Variants in ARHGAP44 observed in about 807,000 individuals in gnomAD.
The protein encoded by ARHGAP44 is Rho GTPase activating protein 44.
In ARHGAP44, 43 loss-of-function variants were observed where a neutral mutation model predicts 106.8. The observed-to-expected ratio is 0.40, with a 90% CI of 0.32 to 0.52. ARHGAP44 has a LOEUF of 0.52. ARHGAP44 is among the 20% of genes least tolerant of loss of function. ARHGAP44 has a pLI of 0.48. For missense variants in ARHGAP44, 866 were observed against 1,050.5 expected (o/e 0.82, Z 2.43); for synonymous variants, 439 against 410.3 (o/e 1.07, Z -0.85).
At position 12,896,451 on chromosome 17, in the gene ARHGAP44, G is replaced by C. The variant is rs62637651; in HGVS notation, c.138G>C (p.Thr46=). The change falls in exon 3 of 21, where the codon ACG becomes ACC. Residue 46 remains threonine, a synonymous_variant. Transcript: ENST00000379672. The part of the protein sequence containing the change: ...LELVKQVSHS[T]HKKLTACLQG... ...TGGTGAAACAGGTGTCCCACAGCAC[G>C]CACAAGAAGCTCACCGCATGTCTGC... is the stretch of plus-strand genomic sequence containing the variant. 5.0e-3 allele frequency: 8,076 copies of C among 1,609,576 alleles called. 343 individuals carry two copies. In the African/African-American group the frequency reaches 0.091, roughly 18 times the overall value.
chr17:12,952,645 C>A, intron 13 of ARHGAP44, 64 bp downstream of exon 13: 2 of 1,249,776 alleles, frequency 1.6e-6, no homozygotes, highest in Non-Finnish European at 2.3e-6. Flanking sequence ...AGAGATACAA[C>A]TGCCCGGGTA....
intron 3 of ARHGAP44, 135 bp from the exon 4 acceptor site, chr17:12,908,762 G>A (rs1303974760): frequency 1.5e-6 from 1 of 681,894 alleles, no homozygotes. Context: ...GAATTTCTAT[G>A]TTTAAACCTA....
chr17:12,978,541 C>T (rs150434869), intron 18 of ARHGAP44, among the ~76,000 whole-genome samples: 205 of 136,664 alleles, frequency 1.5e-3, no homozygotes, highest in South Asian at 2.6e-3. Flanking sequence ...GCTTCCCCGG[C>T]CCAGCTCCCT....
At chr17:12,925,457 A>G in intron 6 of ARHGAP44, among the ~76,000 whole-genome samples, 1 of 152,228 alleles carries the variant, frequency 6.6e-6, no homozygotes, top group Non-Finnish European at 1.5e-5. Context: ...GGAACAGTGA[A>G]TGCCCCAATG....
At chr17:12,807,771 A>G (rs2034320635) in intron 1 of ARHGAP44, among the ~76,000 whole-genome samples, 1 of 152,146 alleles carries the variant, frequency 6.6e-6, no homozygotes, top group Non-Finnish European at 1.5e-5. Flanking sequence ...TCATGTCCTC[A>G]CATTTCAAAA....
intron 3 of ARHGAP44, among the ~76,000 whole-genome samples, chr17:12,903,138 A>AGTGTGTGT (rs1421977965): frequency 1.1e-5 from 1 of 94,704 alleles, no homozygotes; most frequent in African/African-American, 4.0e-5. Flanking sequence ...AGAGAGAGAG[A>AGTGTGTGT]GAGTGTGTGT....
At chr17:12,951,111 T>G (rs1191154219) in intron 12 of ARHGAP44, among the ~76,000 whole-genome samples, 2 of 152,234 alleles carry the variant, frequency 1.3e-5, no homozygotes, top group Non-Finnish European at 2.9e-5. Flanking sequence ...TGGTTCTCTT[T>G]TATCTCATTG....
chr17:12,955,746 C>T, intron 13 of ARHGAP44, 121 bp from the exon 14 acceptor site: 1 of 616,622 alleles, frequency 1.6e-6, no homozygotes, highest in Non-Finnish European at 2.9e-6. Context: ...CATTACATTG[C>T]AGGTGCACGA....
chr17:12,813,313 T>C (rs948412284), intron 1 of ARHGAP44, among the ~76,000 whole-genome samples: 3 of 151,586 alleles, frequency 2.0e-5, no homozygotes, highest in Non-Finnish European at 4.4e-5. Flanking sequence ...TTGTTTTTTT[T>C]TTTTAGAAAG....
intron 1 of ARHGAP44, among the ~76,000 whole-genome samples, chr17:12,838,381 A>G (rs1401386952): frequency 6.6e-6 from 1 of 152,214 alleles, no homozygotes; most frequent in Non-Finnish European, 1.5e-5. Flanking sequence ...AAAGGTTTTG[A>G]CTATTTCAGA....
chr17:12,812,028 C>T (rs763564485), intron 1 of ARHGAP44, among the ~76,000 whole-genome samples: 70 of 152,246 alleles, frequency 4.6e-4, no homozygotes, highest in Non-Finnish European at 8.8e-4. Flanking sequence ...ACAATTGAAC[C>T]CACAGGGCCC....
At chr17:12,956,785 G>C in intron 15 of ARHGAP44, 39 bp downstream of exon 15, 3 of 1,579,654 alleles carry the variant, frequency 1.9e-6, no homozygotes, top group Non-Finnish European at 2.6e-6. Flanking sequence ...AAGAGGCAGG[G>C]AACAGGAGTA....
chr17:12,803,197 C>T (rs917635831), intron 1 of ARHGAP44, among the ~76,000 whole-genome samples: 1 of 151,560 alleles, frequency 6.6e-6, no homozygotes, highest in South Asian at 2.1e-4. Context: ...GTCTCGAACT[C>T]CTGACCTCAG....
chr17:12,795,775 A>G (rs1244054718), intron 1 of ARHGAP44, among the ~76,000 whole-genome samples: 1 of 152,230 alleles, frequency 6.6e-6, no homozygotes, highest in East Asian at 1.9e-4. Context: ...GGGGAGAGTC[A>G]GAGAGTCAGG....
intron 1 of ARHGAP44, among the ~76,000 whole-genome samples, chr17:12,870,008 T>A (rs1186084179): frequency 5.3e-5 from 8 of 152,004 alleles, no homozygotes. Context: ...CTGATTACTT[T>A]TTTTTCCATC....
chr17:12,957,020 G>A (rs1025645261), intron 15 of ARHGAP44, among the ~76,000 whole-genome samples: 5 of 152,046 alleles, frequency 3.3e-5, no homozygotes, highest in South Asian at 2.1e-4. Context: ...GGTCCGATCC[G>A]GCTCATCGCA....
At chr17:12,848,409 C>CATGGTGCTA (rs2035634076) in intron 1 of ARHGAP44, among the ~76,000 whole-genome samples, 1 of 152,120 alleles carries the variant, frequency 6.6e-6, no homozygotes. Flanking sequence ...CATGTGCCAC[C>CATGGTGCTA]TCAAGCCACA....
intron 1 of ARHGAP44, among the ~76,000 whole-genome samples, chr17:12,862,525 A>G (rs1376823626): frequency 1.3e-5 from 2 of 152,192 alleles, no homozygotes. Flanking sequence ...ATGGTGGCAC[A>G]TTGTTCCAGT....
intron 1 of ARHGAP44, among the ~76,000 whole-genome samples, chr17:12,838,363 A>T (rs1006182368): frequency 1.3e-5 from 2 of 152,206 alleles, no homozygotes; most frequent in African/African-American, 4.8e-5. Context: ...ACACATACAA[A>T]AGTTGGGAAA....
Sources: allele counts gnomAD v4.1 joint callset (sites outside exome capture counted in the v4.1 genomes callset), GRCh38; gene constraint gnomAD v4.1.1; transcripts MANE v1.5; gene names NCBI Gene and HGNC (gene_info 2026-07-23, HGNC 2026-07-21).